Variants in ITIH5 observed in about 807,000 individuals in gnomAD.
ITIH5 encodes the protein inter-alpha-trypsin inhibitor heavy chain H5.
Under a neutral mutation model 77.5 loss-of-function variants are expected in ITIH5, and 65 were observed. The observed-to-expected ratio is 0.84, with a 90% CI of 0.69 to 1.03. ITIH5 has a LOEUF of 1.03. Among genes scored for constraint, ITIH5 ranks in the 50% least tolerant of loss-of-function variants. The pLI is 0.00. For missense variants in ITIH5, 1,208 were observed against 1,213.1 expected, an observed-to-expected ratio of 1.00 and a Z score of 0.06; for synonymous variants, 525 against 494.3, an observed-to-expected ratio of 1.06 and a Z score of -0.82.
intron 5 of ITIH5, among the ~76,000 whole-genome samples, chr10:7,623,420 C>A (rs983945678): frequency 6.6e-6 from 1 of 151,974 alleles, no homozygotes; most frequent in African/African-American, 2.4e-5. Context: ...CTGAGGGTGG[C>A]AATAAAGATA....
chr10:7,584,308 T>C (rs1416917812), intron 8 of ITIH5, among the ~76,000 whole-genome samples: 1 of 137,122 alleles, frequency 7.3e-6, no homozygotes, highest in Non-Finnish European at 1.6e-5. Context: ...TCTTTTTTTT[T>C]TCTTTTTTTT....
intron 1 of ITIH5, among the ~76,000 whole-genome samples, chr10:7,661,200 A>C (rs1368159706): frequency 6.6e-6 from 1 of 152,212 alleles, no homozygotes; most frequent in African/African-American, 2.4e-5. Context: ...CTTGTCTTCC[A>C]CAAAACCAGT....
chr10:7,621,027 T>G (rs561211747), intron 5 of ITIH5: 28 of 152,258 alleles, frequency 1.8e-4, no homozygotes, highest in African/African-American at 6.7e-4. Flanking sequence ...AAACTCGGAG[T>G]CAGAAACTCT....
intron 2 of ITIH5, among the ~76,000 whole-genome samples, chr10:7,651,591 G>C (rs979279147): frequency 1.3e-5 from 2 of 151,950 alleles, no homozygotes; most frequent in African/African-American, 4.8e-5. Flanking sequence ...CTGGGCCACA[G>C]AGTGAGACTC....
intron 7 of ITIH5, among the ~76,000 whole-genome samples, chr10:7,612,717 G>C (rs1453034756): frequency 1.3e-5 from 2 of 151,030 alleles, no homozygotes; most frequent in African/African-American, 4.9e-5. Flanking sequence ...TAGGTACCTA[G>C]GAATTAAATG....
intron 5 of ITIH5, among the ~76,000 whole-genome samples, chr10:7,625,866 T>A (rs1453516029): frequency 6.6e-6 from 1 of 152,234 alleles, no homozygotes. Context: ...TACAAGGTTT[T>A]TAATTGCCAG....
intron 2 of ITIH5, among the ~76,000 whole-genome samples, chr10:7,643,926 A>G (rs551234935): frequency 5.3e-4 from 80 of 152,298 alleles, no homozygotes; most frequent in African/African-American, 1.9e-3. Context: ...TCTATGATGT[A>G]TTAGAGAGGT....
At chr10:7,656,880 A>T (rs980280702) in intron 1 of ITIH5, among the ~76,000 whole-genome samples, 24 of 149,252 alleles carry the variant, frequency 1.6e-4, no homozygotes, top group Non-Finnish European at 8.9e-5. Flanking sequence ...AGTAGCTGGG[A>T]TTACAGGTGC....
intron 12 of ITIH5, chr10:7,569,422 C>G: frequency 2.5e-6 from 1 of 397,320 alleles, no homozygotes; most frequent in South Asian, 9.4e-5. Context: ...GAGAGTGTTC[C>G]TATCTCCATT....
intron 7 of ITIH5, among the ~76,000 whole-genome samples, chr10:7,591,782 T>G (rs766136274): frequency 5.9e-5 from 9 of 152,180 alleles, no homozygotes; most frequent in Non-Finnish European, 1.2e-4. Context: ...ATACAGAACA[T>G]CCTTCTCTCT....
At chr10:7,628,936 CAT>C (rs1390751937) in intron 5 of ITIH5, among the ~76,000 whole-genome samples, 1 of 128,112 alleles carries the variant, frequency 7.8e-6, no homozygotes, top group African/African-American at 2.9e-5. Context: ...TGTGTTTTCA[CAT>C]GTGTCCATGT....
Position 7,586,942 on chromosome 10 carries a change from T to C in ITIH5, c.940-873A>G, listed in dbSNP as rs78265302. 6.6e-3 allele frequency among the ~76,000 whole-genome samples: 1,004 copies of C among 152,284 alleles called. 65 individuals carry two copies. The East Asian group carries it at 0.15, about 23-fold the overall frequency. On this transcript the variant is annotated intron_variant, in intron 7 of 13. Transcript: ENST00000397146. ...GCCTCCCAGGTTCAAGCGATTCTCC[T>C]GCCTCAGCTTCCTGAGTAGCTGGGA...
At chr10:7,626,124 G>C (rs569184385) in intron 5 of ITIH5, among the ~76,000 whole-genome samples, 15 of 152,258 alleles carry the variant, frequency 9.9e-5, no homozygotes, top group Admixed American at 8.5e-4. Flanking sequence ...CACATCCCCC[G>C]GCCCACCTCT....
rs1178478074 is a variant in ITIH5, at chr10:7,573,199, A to C, written c.1979-4T>G. ...TATGGCTTCTTGAGCAAAGGTCCTA[A>C]AAGGGAGAAGGAAGAGAACATCATG... is the stretch of plus-strand genomic sequence containing the variant. On this transcript the variant is annotated splice_region_variant and splice_polypyrimidine_tract_variant and intron_variant, in intron 10 of 13. Coordinates refer to ENST00000397146, the MANE Select transcript of ITIH5 (RefSeq NM_030569.7). 6.2e-7 allele frequency: 1 copy of C among 1,611,970 alleles called. No homozygotes were observed. Among genetic ancestry groups the C allele is most frequent in the East Asian group, 2.2e-5 (1 of 44,864 alleles).
At chr10:7,664,395 G>T (rs1484277956) in intron 1 of ITIH5, among the ~76,000 whole-genome samples, 1 of 117,286 alleles carries the variant, frequency 8.5e-6, no homozygotes, top group African/African-American at 3.2e-5. Flanking sequence ...GCGAGATTCC[G>T]TCTCAAAAAA....
chr10:7,640,676 A>T, intron 4 of ITIH5, 78 bp downstream of exon 4: 1 of 832,232 alleles, frequency 1.2e-6, no homozygotes, highest in Non-Finnish European at 2.0e-6. Context: ...GAAGACGACA[A>T]GAGGAGTAGG....
chr10:7,639,381 C>T (rs1474553622), intron 4 of ITIH5, among the ~76,000 whole-genome samples: 6 of 152,202 alleles, frequency 3.9e-5, no homozygotes, highest in Non-Finnish European at 5.9e-5. Flanking sequence ...TTAAGATAAA[C>T]GTGGAATTTT....
intron 13 of ITIH5, 70 bp downstream of exon 13, chr10:7,565,960 A>G: frequency 6.5e-7 from 1 of 1,540,866 alleles, no homozygotes; most frequent in Non-Finnish European, 8.7e-7. Context: ...AGGTGTTGGC[A>G]ATATCAGCTT....
chr10:7,594,376 G>C (rs866271955), intron 7 of ITIH5, among the ~76,000 whole-genome samples: 53 of 152,124 alleles, frequency 3.5e-4, no homozygotes, highest in African/African-American at 1.3e-3. Context: ...AGCCACGCTC[G>C]TGTCCTCTAA....
Sources: gnomAD v4.1 joint callset for allele counts (sites outside exome capture counted in the v4.1 genomes callset) on GRCh38, gnomAD v4.1.1 for gene constraint, MANE v1.5 for transcripts, NCBI Gene and HGNC (gene_info 2026-07-23, HGNC 2026-07-21) for gene names.